Variants in PHLPP2 observed in about 807,000 individuals in gnomAD.
PHLPP2 encodes the protein PH domain leucine-rich repeat-containing protein phosphatase 2.
PHLPP2 carries 66 observed loss-of-function variants against 124.9 expected under a neutral mutation model. That is an observed-to-expected ratio of 0.53 (90% CI 0.43 to 0.65). The LOEUF is 0.65. Ranked by LOEUF, PHLPP2 falls within the 30% of genes least tolerant of loss-of-function variation. PHLPP2 has a pLI of 0.00. For synonymous variants in PHLPP2, 681 were observed against 624.7 expected, an observed-to-expected ratio of 1.09 and a Z score of -1.34; for missense variants, 1,685 against 1,600.4, an observed-to-expected ratio of 1.05 and a Z score of -0.90.
In PHLPP2 at chr16:71,679,420, C is replaced by G. The variant is rs755192177; in HGVS notation, c.1006G>C (p.Asp336His). ...ELNLSCNGFH[D>H]LPSQIGNLLN... ...AGATTGCCAATTTGACTTGGTAGGT[C>G]ATGAAATCCATTACAGGAAAGGTTG... Residue 336 changes from aspartate to histidine, a missense_variant, in exon 7 of 19, where the codon GAC becomes CAC. By Grantham distance (81) the Asp-to-His change is moderately conservative. Coordinates refer to ENST00000568954, the MANE Select transcript of PHLPP2 (RefSeq NM_015020.3). 7 of 1,613,886 alleles carry G rather than the reference C, an allele frequency of 4.3e-6. No individual in the cohort carries two copies. In the South Asian group the frequency reaches 7.7e-5, roughly 18 times the overall value.
At position 71,652,951 on chromosome 16, in the gene PHLPP2, C is replaced by T. The variant is rs377151426; in HGVS notation, c.2656G>A (p.Asp886Asn). Reference sequence around the variant, plus strand: ...GTCAAGCTAAAGCTACTTGCTGGATCGGCAGTGTCAGGGCGGATGTAGCAC... The same window carrying T: ...GTCAAGCTAAAGCTACTTGCTGGATTGGCAGTGTCAGGGCGGATGTAGCAC... ...LLCYIRPDTA[D>N]PASSFSLTVA... Residue 886 changes from aspartate (D) to asparagine (N), a missense_variant, in exon 18 of 19, where the codon GAT becomes AAT. Transcript: ENST00000568954. 4 of 1,613,928 alleles carry T rather than the reference C, an allele frequency of 2.5e-6. No homozygotes were observed. Among genetic ancestry groups the T allele is most frequent in the East Asian group, 2.2e-5 (1 of 44,884 alleles).
At chr16:71,653,105 T>C in intron 17 of PHLPP2, 84 bp from the exon 18 acceptor site, 2 of 715,174 alleles carry the variant, frequency 2.8e-6, no homozygotes, top group South Asian at 2.0e-5. Flanking sequence ...CCTTCTTTTT[T>C]TTTTTTTTTT....
rs770587173 is a variant in PHLPP2 at position 71,648,853 on chromosome 16, T to C, written c.*37A>G. ...CTCTAGCAAGTCCCTACCCCAACCC[T>C]GCACAGCCTCCTCCCACACTGTGCC... On this transcript the variant is annotated 3_prime_UTR_variant, in exon 19 of 19. Transcript: ENST00000568954. 2 of 1,510,814 alleles carry C rather than the reference T, an allele frequency of 1.3e-6. No individual in the cohort carries two copies. Among genetic ancestry groups the C allele is most frequent in the Admixed American group, 3.4e-5 (2 of 58,582 alleles). 93.6% of individuals were successfully genotyped at this position (1,510,814 alleles called of 1,614,324 possible).
chr16:71,721,526 T>C lies in PHLPP2; in HGVS notation c.-7+2803A>G, dbSNP rs559017950. ...GGCTGAGGTACTTGAGCTCAGGAGTTTGAACCTGCAGTGAGCTATGATCAC... is the reference window on the plus strand; with the variant it reads ...GGCTGAGGTACTTGAGCTCAGGAGTCTGAACCTGCAGTGAGCTATGATCAC... On this transcript the variant is annotated intron_variant, in intron 1 of 18. Coordinates refer to ENST00000568954, the MANE Select transcript of PHLPP2 (RefSeq NM_015020.3). Among the ~76,000 whole-genome samples, 4 of 152,296 alleles carry C rather than the reference T, an allele frequency of 2.6e-5. No homozygotes were observed. In the East Asian group the frequency reaches 7.7e-4, roughly 29 times the overall value.
intron 17 of PHLPP2, among the ~76,000 whole-genome samples, chr16:71,654,426 T>A (rs1462405474): frequency 1.3e-5 from 2 of 152,198 alleles, no homozygotes; most frequent in Admixed American, 6.5e-5. Flanking sequence ...CAATACTGTA[T>A]GCATTTAGTA....
In PHLPP2 at chr16:71,649,528, G is replaced by A. The variant is rs745312657; in HGVS notation, c.3334C>T (p.Pro1112Ser). ...AGGCTGCAGCGCCGCTCTGGCCTCG[G>A]AAGCAAGGCAGTGTCCAGGCCCCCA... Reference protein sequence around the residue: ...NAGGLDTALLPRPERRCSLHP... With the variant: ...NAGGLDTALLSRPERRCSLHP... The change falls in exon 19 of 19, where the codon CCG (proline) becomes TCG (serine). Residue 1112 changes from proline to serine, a missense_variant. Coordinates refer to ENST00000568954, the MANE Select transcript of PHLPP2 (RefSeq NM_015020.3). 3.1e-6 allele frequency: 5 copies of A among 1,614,148 alleles called. No individual in the cohort carries two copies. The Admixed American group carries it at 8.3e-5, about 27-fold the overall frequency.
chr16:71,654,143 C>T (rs529330155), intron 17 of PHLPP2, among the ~76,000 whole-genome samples: 11 of 140,272 alleles, frequency 7.8e-5, no homozygotes, highest in Non-Finnish European at 7.5e-5. Context: ...TGCAGTGAGC[C>T]GAGATTGCAC....
At chr16:71,714,858 T>G in intron 1 of PHLPP2, 57 bp from the exon 2 acceptor site, 1 of 1,554,872 alleles carries the variant, frequency 6.4e-7, no homozygotes, top group Non-Finnish European at 8.7e-7. Context: ...GAATTAGACA[T>G]TTCAGTCCTC....
chr16:71,714,976 T>TA (rs2045351780), intron 1 of PHLPP2, 175 bp from the exon 2 acceptor site: 4 of 726,450 alleles, frequency 5.5e-6, no homozygotes, highest in Non-Finnish European at 8.6e-6. Flanking sequence ...TCAGATAACT[T>TA]AATTTTCTTT....
At chr16:71,722,710 T>C (rs2045405996) in intron 1 of PHLPP2, among the ~76,000 whole-genome samples, 1 of 152,220 alleles carries the variant, frequency 6.6e-6, no homozygotes, top group African/African-American at 2.4e-5. Flanking sequence ...ATCCTTCTAC[T>C]GGGCAAGTTT....
intron 16 of PHLPP2, among the ~76,000 whole-genome samples, chr16:71,656,181 G>T (rs1057477147): frequency 1.3e-5 from 2 of 152,082 alleles, no homozygotes; most frequent in Admixed American, 1.3e-4. Context: ...TTTGGACTTT[G>T]GTTTGGTCAC....
intron 8 of PHLPP2, 22 bp downstream of exon 8, chr16:71,678,733 G>T: frequency 1.7e-6 from 2 of 1,160,804 alleles, no homozygotes; most frequent in Non-Finnish European, 2.6e-6. Flanking sequence ...TTAAAGGAAG[G>T]TGTGGTAAAG....
chr16:71,671,617 T>A (rs1247321308), intron 10 of PHLPP2, among the ~76,000 whole-genome samples: 2 of 151,704 alleles, frequency 1.3e-5, no homozygotes, highest in Non-Finnish European at 2.9e-5. Context: ...AATAATATTT[T>A]AAAAACCCAC....
In PHLPP2 at chr16:71,646,457, A is replaced by G. The variant is rs1003829332; in HGVS notation, c.*2433T>C. 6.6e-6 allele frequency: 1 copy of G among 152,190 alleles called. No individual in the cohort carries two copies. Among genetic ancestry groups the G allele is most frequent in the Non-Finnish European group, 1.5e-5 (1 of 68,022 alleles). The allele number at this position is 152,190 out of a possible 1,614,324, so 9.4% of individuals were successfully genotyped here. Reference sequence around the variant, plus strand: ...AAAAATAAATACATTTACTTTTGGTAAGGTCATTTCAGAACTGGGTTTTGA... The same window carrying G: ...AAAAATAAATACATTTACTTTTGGTGAGGTCATTTCAGAACTGGGTTTTGA... On this transcript the variant is annotated 3_prime_UTR_variant, in exon 19 of 19. Coordinates refer to ENST00000568954, the MANE Select transcript of PHLPP2 (RefSeq NM_015020.3).
At chr16:71,714,329 T>G (rs1273424378) in intron 2 of PHLPP2, among the ~76,000 whole-genome samples, 183 bp downstream of exon 2, 1 of 152,206 alleles carries the variant, frequency 6.6e-6, no homozygotes, top group East Asian at 1.9e-4. Context: ...AAATTTTCCT[T>G]GGTCAATAGT....
At chr16:71,681,959 C>A in intron 5 of PHLPP2, 54 bp from the exon 6 acceptor site, 2 of 1,325,290 alleles carry the variant, frequency 1.5e-6, no homozygotes, top group Non-Finnish European at 2.0e-6. Flanking sequence ...TGTCTATCAC[C>A]CAGCAAAGAA....
chr16:71,682,581 G>A (rs545439661), intron 5 of PHLPP2, among the ~76,000 whole-genome samples: 2 of 152,288 alleles, frequency 1.3e-5, no homozygotes, highest in South Asian at 4.1e-4. Flanking sequence ...CACTAGCTCT[G>A]CTACTTATCA....
Position 71,658,320 on chromosome 16 carries a change from G to C in PHLPP2, c.2192C>G (p.Pro731Arg), listed in dbSNP as rs1376163906. 1 of 1,613,558 alleles carries C rather than the reference G, an allele frequency of 6.2e-7. No individual in the cohort carries two copies. The highest frequency in any genetic ancestry group is 1.3e-5 in the African/African-American group (1 of 74,920). ...TTGTAATGTAGCAGGCAAAGCCTCT[G>C]GAATCAGGATTTCTGTCAAGTCGTT... Reference protein sequence around the residue: ...SCNDLTEILIPEALPATLQDL... With the variant: ...SCNDLTEILIREALPATLQDL... Residue 731 changes from proline (P) to arginine (R), a missense_variant, in exon 15 of 19, where the codon CCA becomes CGA. Transcript: ENST00000568954.
intron 12 of PHLPP2, 100 bp downstream of exon 12, chr16:71,667,078 G>A (rs2044845761): frequency 3.1e-6 from 3 of 973,336 alleles, no homozygotes; most frequent in Admixed American, 2.6e-5. Flanking sequence ...TTAGGTAAAC[G>A]CTCTGTAAAT....
Sources: gnomAD v4.1 joint callset for allele counts (sites outside exome capture counted in the v4.1 genomes callset) on GRCh38, gnomAD v4.1.1 for gene constraint, MANE v1.5 for transcripts, NCBI Gene and HGNC (gene_info 2026-07-23, HGNC 2026-07-21) for gene names.